The following DNAI4 variants were observed in gnomAD, a reference collection of about 807,000 sequenced individuals.
DNAI4 encodes the protein WD repeat domain 78.
A neutral mutation model predicts 105.8 loss-of-function variants in DNAI4; 85 were observed. The observed-to-expected ratio is 0.80, with a 90% CI of 0.67 to 0.96. The LOEUF (loss-of-function observed/expected upper bound fraction) is 0.96, where lower values mean the gene tolerates loss of function less well. Among genes scored for constraint, DNAI4 ranks in the 40% least tolerant of loss-of-function variants. The pLI is 0.00. For missense variants in DNAI4, 1,014 were observed against 1,005.6 expected (o/e 1.01, Z -0.11); for synonymous variants, 352 against 331.5 (o/e 1.06, Z -0.67).
intron 8 of DNAI4, among the ~76,000 whole-genome samples, chr1:66,847,130 T>C (rs1646293322): frequency 6.6e-6 from 1 of 152,216 alleles, no homozygotes; most frequent in South Asian, 2.1e-4. Context: ...TCTGCTTCTG[T>C]GGGCATCCTA....
chr1:66,881,686 T>C (rs796652002), intron 4 of DNAI4, among the ~76,000 whole-genome samples: 13 of 152,310 alleles, frequency 8.5e-5, no homozygotes, highest in East Asian at 5.8e-4. Flanking sequence ...AGATGAGACA[T>C]TGGACTGTGG....
At chr1:66,823,116 T>C (rs1645670138) in intron 15 of DNAI4, among the ~76,000 whole-genome samples, 1 of 140,862 alleles carries the variant, frequency 7.1e-6, no homozygotes, top group Non-Finnish European at 1.5e-5. Context: ...TGTCCATGTG[T>C]TCTCATTGTT....
chr1:66,833,619 T>C lies in DNAI4; in HGVS notation c.1979A>G (p.Gln660Arg), dbSNP rs201361281. 2 of 1,613,442 alleles carry C rather than the reference T, an allele frequency of 1.2e-6. No individual in the cohort carries two copies. Among genetic ancestry groups the C allele is most frequent in the Admixed American group, 3.3e-5 (2 of 59,934 alleles). Residue 660 changes from glutamine (Q) to arginine (R), a missense_variant, in exon 13 of 17, where the codon CAG becomes CGG. Physicochemically the swap from Gln to Arg is conservative, Grantham distance 43. Transcript: ENST00000371026. ...EKKDEALISR[Q>R]APGMCFAFHP... Reference sequence around the variant, plus strand: ...AAAAGCAAAACACATTCCAGGAGCCTGTCGAGATATCAAAGCTTCATCTTT... The same window carrying C: ...AAAAGCAAAACACATTCCAGGAGCCCGTCGAGATATCAAAGCTTCATCTTT...
At chr1:66,885,285 T>A (rs1647169334) in intron 4 of DNAI4, among the ~76,000 whole-genome samples, 1 of 152,230 alleles carries the variant, frequency 6.6e-6, no homozygotes, top group African/African-American at 2.4e-5. Flanking sequence ...ATCTAGCCTT[T>A]CTTTATGTAG....
At chr1:66,827,607 T>C (rs921516166) in intron 14 of DNAI4, among the ~76,000 whole-genome samples, 4 of 152,218 alleles carry the variant, frequency 2.6e-5, no homozygotes, top group Admixed American at 2.6e-4. Flanking sequence ...TTCCAAACTT[T>C]CAAGAAGAAA....
At chr1:66,846,111 T>C (rs1159345698) in intron 8 of DNAI4, among the ~76,000 whole-genome samples, 3 of 152,186 alleles carry the variant, frequency 2.0e-5, no homozygotes, top group African/African-American at 4.8e-5. Context: ...AACATTTACA[T>C]TGTTACATTT....
At chr1:66,839,710 A>G (rs1210529676) in intron 9 of DNAI4, among the ~76,000 whole-genome samples, 7 of 152,190 alleles carry the variant, frequency 4.6e-5, no homozygotes, top group African/African-American at 9.7e-5. Flanking sequence ...CTTTTTTACA[A>G]CCAAACATAT....
At chr1:66,852,243 A>T (rs1646412006) in intron 7 of DNAI4, among the ~76,000 whole-genome samples, 1 of 152,006 alleles carries the variant, frequency 6.6e-6, no homozygotes, top group Non-Finnish European at 1.5e-5. Flanking sequence ...TAATTTAAAA[A>T]ACTCACCCAC....
At chr1:66,897,709 C>A (rs944789121) in intron 2 of DNAI4, among the ~76,000 whole-genome samples, 1 of 152,232 alleles carries the variant, frequency 6.6e-6, no homozygotes, top group African/African-American at 2.4e-5. Flanking sequence ...GTGCCCACTA[C>A]TCCAGAAGAT....
At chr1:66,889,521 A>T (rs1433723470) in intron 4 of DNAI4, among the ~76,000 whole-genome samples, 1 of 152,230 alleles carries the variant, frequency 6.6e-6, no homozygotes, top group Non-Finnish European at 1.5e-5. Flanking sequence ...AGAAAAGTAA[A>T]TATTTGTTCA....
chr1:66,895,203 C>T (rs888863340), intron 2 of DNAI4, among the ~76,000 whole-genome samples: 2 of 152,194 alleles, frequency 1.3e-5, no homozygotes, highest in African/African-American at 2.4e-5. Flanking sequence ...TTTGGATGGG[C>T]ACAGTGGCTC....
At chr1:66,896,300 A>G (rs941816697) in intron 2 of DNAI4, among the ~76,000 whole-genome samples, 10 of 152,248 alleles carry the variant, frequency 6.6e-5, no homozygotes, top group African/African-American at 2.4e-4. Context: ...TCAAAATTCA[A>G]AATTGAAATA....
chr1:66,898,394 T>A (rs1648518675), intron 2 of DNAI4, among the ~76,000 whole-genome samples: 1 of 152,194 alleles, frequency 6.6e-6, no homozygotes. Flanking sequence ...AGTTTAAATG[T>A]GTGTCTAAAA....
At chr1:66,894,073 T>C (rs956820746) in intron 2 of DNAI4, among the ~76,000 whole-genome samples, 4 of 152,238 alleles carry the variant, frequency 2.6e-5, no homozygotes, top group Non-Finnish European at 5.9e-5. Flanking sequence ...TTCTGGTTTA[T>C]GTGCTTACGA....
Position 66,862,260 on chromosome 1 carries a change from G to A in DNAI4, c.983C>T (p.Ala328Val). The change falls in exon 7 of 17, where the codon GCT (alanine) becomes GTT (valine). Residue 328 changes from alanine to valine, a missense_variant. Ala to Val is a moderately conservative substitution (Grantham distance 64). Transcript: ENST00000371026. Reference protein sequence around the residue: ...TAWDLYDSYNAMELVSLSVKQ... With the variant: ...TAWDLYDSYNVMELVSLSVKQ... ...TACTGATAAAGATACAAGTTCCATAGCATTGTAAGAATCATACAAATCCCA... is the reference window on the plus strand; with the variant it reads ...TACTGATAAAGATACAAGTTCCATAACATTGTAAGAATCATACAAATCCCA... The A allele has an allele frequency of 6.2e-7, 1 of 1,610,372 alleles. No individual in the cohort carries two copies. The highest frequency in any genetic ancestry group is 8.5e-7 in the Non-Finnish European group (1 of 1,178,822).
At chr1:66,884,676 G>T (rs776321448) in intron 4 of DNAI4, among the ~76,000 whole-genome samples, 9 of 152,156 alleles carry the variant, frequency 5.9e-5, no homozygotes, top group Non-Finnish European at 1.2e-4. Context: ...ATTGGCCCAT[G>T]ATTTTTTCTT....
chr1:66,875,148 C>T (rs1405527378), intron 4 of DNAI4, among the ~76,000 whole-genome samples: 1 of 152,100 alleles, frequency 6.6e-6, no homozygotes, highest in Non-Finnish European at 1.5e-5. Context: ...GCTGACATAA[C>T]AAGCCTACCC....
At chr1:66,893,050 A>AG (rs1491476740) in intron 3 of DNAI4, among the ~76,000 whole-genome samples, 179 bp downstream of exon 3, 2 of 125,132 alleles carry the variant, frequency 1.6e-5, no homozygotes, top group African/African-American at 7.1e-5. Context: ...AAAGAAAGAA[A>AG]GAAAGAGAGA....
chr1:66,919,195 TAC>T, intron 1 of DNAI4: 1 of 385,228 alleles, frequency 2.6e-6, no homozygotes, highest in Non-Finnish European at 5.3e-6. Context: ...GTATCACGGG[TAC>T]ACATCCTGAA....
Sources: allele counts gnomAD v4.1 joint callset (sites outside exome capture counted in the v4.1 genomes callset), GRCh38; gene constraint gnomAD v4.1.1; transcripts MANE v1.5; gene names NCBI Gene and HGNC (gene_info 2026-07-23, HGNC 2026-07-21).